The following SRD5A2 variants were observed in gnomAD, a reference collection of about 807,000 sequenced individuals.
SRD5A2 encodes the protein 3-oxo-5-alpha-steroid 4-dehydrogenase 2.
SRD5A2 carries 30 observed loss-of-function variants against 27.4 expected under a neutral mutation model. That is an observed-to-expected ratio of 1.10 (90% CI 0.82 to 1.49). The LOEUF (loss-of-function observed/expected upper bound fraction) is 1.49. Ranked by LOEUF, SRD5A2 falls within the 40% of genes most tolerant of loss-of-function variation. SRD5A2 has a pLI of 0.00. For missense variants in SRD5A2, 348 were observed against 323.4 expected (o/e 1.08, Z -0.58); for synonymous variants, 141 against 133.6 (o/e 1.06, Z -0.38).
the SRD5A2 span, among the ~76,000 whole-genome samples, chr2:31,647,546 A>G: frequency 6.6e-6 from 1 of 152,152 alleles, no homozygotes; most frequent in African/African-American, 2.4e-5. Flanking sequence ...AGATTATTTG[A>G]TTTTATTCCT....
chr2:31,622,963 T>C, the SRD5A2 span, among the ~76,000 whole-genome samples: 2 of 152,008 alleles, frequency 1.3e-5, no homozygotes. Flanking sequence ...CTTTTTCACC[T>C]GCTTTTTCAC....
chr2:31,621,128 T>G, the SRD5A2 span, among the ~76,000 whole-genome samples: 1 of 151,802 alleles, frequency 6.6e-6, no homozygotes, highest in Admixed American at 6.6e-5. Context: ...TTTCCTTCAA[T>G]AGTAACATCT....
the SRD5A2 span, among the ~76,000 whole-genome samples, chr2:31,598,311 G>T: frequency 6.6e-6 from 1 of 151,906 alleles, no homozygotes; most frequent in African/African-American, 2.4e-5. Context: ...AGGTGCAAGG[G>T]GGGTGAGAAA....
chr2:31,572,053 A>G lies in SRD5A2; in HGVS notation c.281+8567T>C, dbSNP rs1451589062. Among the ~76,000 whole-genome samples, 4 of 152,236 alleles carry G rather than the reference A, an allele frequency of 2.6e-5. No individual in the cohort carries two copies. In the East Asian group the frequency reaches 7.7e-4, roughly 29 times the overall value. The stretch of plus-strand genomic sequence containing the variant: ...TGCATGCTCATTGCAGCACGTATTC[A>G]CAACAGTCAAGACATGAACTCAACC... On this transcript the variant is annotated intron_variant, in intron 1 of 4. Coordinates refer to ENST00000622030, the MANE Select transcript of SRD5A2 (RefSeq NM_000348.4).
intron 1 of SRD5A2, among the ~76,000 whole-genome samples, chr2:31,562,458 A>C (rs1368502232): frequency 6.6e-6 from 1 of 152,178 alleles, no homozygotes; most frequent in Admixed American, 6.5e-5. Context: ...GTCTGTATCA[A>C]ATACTAGAAC....
intron 1 of SRD5A2, among the ~76,000 whole-genome samples, chr2:31,546,629 G>A (rs955056477): frequency 2.0e-5 from 3 of 152,082 alleles, no homozygotes; most frequent in Admixed American, 1.3e-4. Flanking sequence ...AGACACTGGG[G>A]ACTAATAAAG....
chr2:31,531,761 T>C (rs200323457), intron 2 of SRD5A2, among the ~76,000 whole-genome samples: 39 of 152,296 alleles, frequency 2.6e-4, no homozygotes, highest in African/African-American at 8.2e-4. Flanking sequence ...AGTATTTAAA[T>C]AGATAAACAA....
At chr2:31,644,826 G>A in the SRD5A2 span, among the ~76,000 whole-genome samples, 1 of 152,046 alleles carries the variant, frequency 6.6e-6, no homozygotes, top group Admixed American at 6.5e-5. Flanking sequence ...TTTGTTCCTA[G>A]GAAATACACA....
chr2:31,627,604 T>C, the SRD5A2 span, among the ~76,000 whole-genome samples: 1 of 152,168 alleles, frequency 6.6e-6, no homozygotes, highest in South Asian at 2.1e-4. Flanking sequence ...TGTGGATACT[T>C]AGTAGTGTAA....
At chr2:31,624,325 T>A in the SRD5A2 span, among the ~76,000 whole-genome samples, 1 of 152,108 alleles carries the variant, frequency 6.6e-6, no homozygotes, top group Non-Finnish European at 1.5e-5. Context: ...TAGGTTTTAC[T>A]CATCCTTTCT....
chr2:31,593,197 A>T, the SRD5A2 span, among the ~76,000 whole-genome samples: 1 of 152,178 alleles, frequency 6.6e-6, no homozygotes, highest in Non-Finnish European at 1.5e-5. Context: ...CCAGCATGGC[A>T]CATGTATACA....
the SRD5A2 span, among the ~76,000 whole-genome samples, chr2:31,592,131 A>G: frequency 1.3e-5 from 2 of 151,792 alleles, no homozygotes; most frequent in African/African-American, 4.8e-5. Flanking sequence ...AAAAGAAAGA[A>G]TATAAAAACA....
intron 2 of SRD5A2, among the ~76,000 whole-genome samples, chr2:31,532,040 G>C (rs1249588444): frequency 1.3e-5 from 2 of 152,078 alleles, no homozygotes; most frequent in Non-Finnish European, 2.9e-5. Context: ...TTCCTGTCTT[G>C]ATTGCCAGAT....
the SRD5A2 span, among the ~76,000 whole-genome samples, chr2:31,592,116 C>CA: frequency 2.0e-5 from 3 of 148,040 alleles, no homozygotes; most frequent in African/African-American, 7.5e-5. Context: ...AAAAACAGCC[C>CA]AAAAAAAAGA....
upstream of SRD5A2, chr2:31,581,032 C>T: frequency 1.0e-6 from 1 of 990,922 alleles, no homozygotes; most frequent in Non-Finnish European, 1.4e-6. Context: ...CATCCTGCCT[C>T]CCACCTCGCC....
intron 1 of SRD5A2, among the ~76,000 whole-genome samples, chr2:31,574,165 C>T (rs963657840): frequency 3.3e-5 from 5 of 152,194 alleles, no homozygotes; most frequent in Admixed American, 1.3e-4. Context: ...GTCAGACTGA[C>T]GTTGCTGCCA....
chr2:31,600,649 T>C, the SRD5A2 span, among the ~76,000 whole-genome samples: 1 of 151,834 alleles, frequency 6.6e-6, no homozygotes, highest in Non-Finnish European at 1.5e-5. Flanking sequence ...GAACAACTAA[T>C]ACCAGTCCTA....
In SRD5A2 at chr2:31,526,219, C is replaced by A; in HGVS notation, c.742G>T (p.Ala248Ser). Residue 248 changes from alanine (A) to serine (S), a missense_variant, in exon 5 of 5, where the codon GCC (alanine) becomes TCC (serine). By Grantham distance (99) the Ala-to-Ser change is moderately conservative. Coordinates refer to ENST00000622030, the MANE Select transcript of SRD5A2 (RefSeq NM_000348.4). ...MFEDYPKSRKALIPFIF is the reference protein window; with the variant it reads ...MFEDYPKSRKSLIPFIF ...CTTTAAAAGATGAATGGAATAAGGG[C>A]TTTCCGAGATTTGGGGTAGTCCTCA... The A allele has an allele frequency of 6.3e-7, 1 of 1,589,252 alleles. No homozygotes were observed. Among genetic ancestry groups the A allele is most frequent in the Non-Finnish European group, 8.6e-7 (1 of 1,166,428 alleles).
the SRD5A2 span, among the ~76,000 whole-genome samples, chr2:31,624,143 G>A: frequency 6.6e-6 from 1 of 151,908 alleles, no homozygotes; most frequent in Non-Finnish European, 1.5e-5. Context: ...TGGGGTACAT[G>A]AGATGCTTTG....
Sources: gnomAD v4.1 joint callset for allele counts (sites outside exome capture counted in the v4.1 genomes callset) on GRCh38, gnomAD v4.1.1 for gene constraint, MANE v1.5 for transcripts, NCBI Gene and HGNC (gene_info 2026-07-23, HGNC 2026-07-21) for gene names.